The following NCOA7 variants were observed in gnomAD, a reference collection of about 807,000 sequenced individuals.
The protein encoded by NCOA7 is 140 kDa estrogen receptor-associated protein.
NCOA7 carries 45 observed loss-of-function variants against 104.3 expected under a neutral mutation model. The observed-to-expected ratio is 0.43, with a 90% CI of 0.34 to 0.55. NCOA7 has a LOEUF of 0.55. NCOA7 is among the 20% of genes least tolerant of loss of function. The probability of loss-of-function intolerance (pLI) is 0.02; values close to 1 mark genes in which losing one functional copy is unlikely to be tolerated. For missense variants in NCOA7, 1,041 were observed against 1,119.7 expected, an observed-to-expected ratio of 0.93 and a Z score of 1.00; for synonymous variants, 398 against 402.3, an observed-to-expected ratio of 0.99 and a Z score of 0.13.
chr6:125,795,982 G>A (rs763755285), intron 1 of NCOA7, among the ~76,000 whole-genome samples: 5 of 152,214 alleles, frequency 3.3e-5, no homozygotes, highest in East Asian at 1.9e-4. Flanking sequence ...GTTTCTGCAC[G>A]TGGATAGAGT....
At chr6:125,817,765 A>G (rs566211909) in intron 2 of NCOA7, among the ~76,000 whole-genome samples, 5 of 152,304 alleles carry the variant, frequency 3.3e-5, no homozygotes, top group African/African-American at 1.2e-4. Flanking sequence ...GGTTCAATTT[A>G]TCAGTTTCTC....
chr6:125,852,693 G>C (rs1781224605), intron 2 of NCOA7, among the ~76,000 whole-genome samples: 1 of 152,054 alleles, frequency 6.6e-6, no homozygotes, highest in African/African-American at 2.4e-5. Flanking sequence ...GTTTTTGTAT[G>C]CTCTGTCGAA....
chr6:125,837,928 A>G (rs1424797113), intron 2 of NCOA7, among the ~76,000 whole-genome samples: 3 of 152,196 alleles, frequency 2.0e-5, no homozygotes, highest in Non-Finnish European at 4.4e-5. Flanking sequence ...GAACTACTTC[A>G]TGGTCGGTGT....
At chr6:125,794,984 C>CGT (rs74714591) in intron 1 of NCOA7, among the ~76,000 whole-genome samples, 1 of 151,830 alleles carries the variant, frequency 6.6e-6, no homozygotes, top group Admixed American at 6.6e-5. Context: ...TTTAATAAAT[C>CGT]AGAGTCTTCT....
Position 125,889,276 on chromosome 6 carries a change from A to G in NCOA7, c.1222A>G (p.Asn408Asp), listed in dbSNP as rs186125486. 30 of 1,614,086 alleles carry G rather than the reference A, an allele frequency of 1.9e-5. No homozygotes were observed. The highest frequency in any genetic ancestry group is 1.0e-5 in the Non-Finnish European group (12 of 1,180,004). Residue 408 changes from asparagine (N) to aspartate (D), a missense_variant, in exon 9 of 16, where the codon AAC becomes GAC. Physicochemically the swap from Asn to Asp is conservative, Grantham distance 23. Coordinates refer to ENST00000392477, the MANE Select transcript of NCOA7 (RefSeq NM_181782.5). The stretch of plus-strand genomic sequence containing the variant: ...TGCATTTGAATCTACAGCCAAAGAA[A>G]ACTTTCTAGGGGAAGATGATGATTT... ...SSAFESTAKENFLGEDDDFVD... is the reference protein window; with the variant it reads ...SSAFESTAKEDFLGEDDDFVD...
Position 125,890,629 on chromosome 6 carries a change from G to C in NCOA7, c.1928-13G>C, listed in dbSNP as rs143046420. On this transcript the variant is annotated splice_polypyrimidine_tract_variant and intron_variant, in intron 9 of 15. Coordinates refer to ENST00000392477, the MANE Select transcript of NCOA7 (RefSeq NM_181782.5). ...GTCAATATTGAGGAACAGTTTTTTC[G>C]TGTGTGATTCAGATATACTTCCTTC... is the stretch of plus-strand genomic sequence containing the variant. 3.1e-6 allele frequency: 5 copies of C among 1,589,948 alleles called. No individual in the cohort carries two copies. The South Asian group carries it at 3.4e-5, about 11-fold the overall frequency.
intron 7 of NCOA7, among the ~76,000 whole-genome samples, chr6:125,882,825 A>G (rs1783954821): frequency 6.6e-6 from 1 of 152,164 alleles, no homozygotes; most frequent in South Asian, 2.1e-4. Context: ...GAGACAATAT[A>G]CTGTACATAT....
chr6:125,870,318 T>C lies in NCOA7; in HGVS notation c.272-4571T>C, dbSNP rs553844378. Reference sequence around the variant, plus strand: ...TTGACAGCATCTGTCTTGAGCTCCCTTTACTTTCAAAACCTCTCTGTGAAT... The same window carrying C: ...TTGACAGCATCTGTCTTGAGCTCCCCTTACTTTCAAAACCTCTCTGTGAAT... On this transcript the variant is annotated intron_variant, in intron 3 of 15. Transcript: ENST00000392477. 3.9e-5 allele frequency among the ~76,000 whole-genome samples: 6 copies of C among 152,342 alleles called. No individual in the cohort carries two copies. In the South Asian group the frequency reaches 1.2e-3, roughly 32 times the overall value.
intron 2 of NCOA7, among the ~76,000 whole-genome samples, chr6:125,823,531 G>A (rs907828396): frequency 1.3e-5 from 2 of 152,100 alleles, no homozygotes; most frequent in Admixed American, 6.5e-5. Flanking sequence ...TCTCATTTGA[G>A]TTCAGACCAG....
At chr6:125,788,228 C>G (rs943307839), upstream of NCOA7, among the ~76,000 whole-genome samples, 2 of 152,186 alleles carry the variant, frequency 1.3e-5, no homozygotes, top group Admixed American at 6.5e-5. Context: ...AAAGCACAGT[C>G]TAGCCATAAT....
intron 10 of NCOA7, among the ~76,000 whole-genome samples, chr6:125,893,222 T>C (rs932115375): frequency 5.9e-5 from 9 of 152,296 alleles, no homozygotes; most frequent in African/African-American, 2.2e-4. Context: ...GGAGTTTCAG[T>C]TGCAGAGTGA....
chr6:125,888,908 C>A (rs778258910), intron 8 of NCOA7, 31 bp from the exon 9 acceptor site: 1 of 1,491,200 alleles, frequency 6.7e-7, no homozygotes, highest in South Asian at 1.4e-5. Flanking sequence ...TTTTAACATT[C>A]CATGTGCACC....
chr6:125,900,883 G>A (rs1413435919), intron 10 of NCOA7, among the ~76,000 whole-genome samples: 1 of 152,098 alleles, frequency 6.6e-6, no homozygotes, highest in Non-Finnish European at 1.5e-5. Flanking sequence ...AACTGGAAGA[G>A]GCCCTACAGT....
intron 3 of NCOA7, among the ~76,000 whole-genome samples, chr6:125,858,587 C>T (rs1342429840): frequency 1.3e-5 from 2 of 151,340 alleles, no homozygotes; most frequent in Admixed American, 1.3e-4. Context: ...CACAAATCTA[C>T]TGCACTCCAG....
At chr6:125,782,984 T>C (rs960455595) in intron 1 of NCOA7, among the ~76,000 whole-genome samples, 2 of 152,148 alleles carry the variant, frequency 1.3e-5, no homozygotes, top group East Asian at 1.9e-4. Flanking sequence ...GTCAGAGTGA[T>C]GTGATGTGCA....
rs112885313 is a variant in NCOA7 at position 125,842,321 on chromosome 6, T to C, written c.51-12699T>C. 9.2e-3 allele frequency among the ~76,000 whole-genome samples: 1,400 copies of C among 152,312 alleles called. 19 individuals carry two copies. The highest frequency in any genetic ancestry group is 0.031 in the African/African-American group (1,309 of 41,578). ...CTGGCATCATTGAGTTTGTGCTTGC[T>C]TGAGATTTTTCAAGATAGTATGCTT... On this transcript the variant is annotated intron_variant, in intron 2 of 15. Transcript: ENST00000392477.
At chr6:125,866,814 G>A (rs904336473) in intron 3 of NCOA7, among the ~76,000 whole-genome samples, 2 of 151,578 alleles carry the variant, frequency 1.3e-5, no homozygotes, top group Admixed American at 1.3e-4. Flanking sequence ...TTATAATCAT[G>A]TGTTTCAACA....
chr6:125,891,088 A>G (rs989890724), intron 10 of NCOA7, among the ~76,000 whole-genome samples: 1 of 152,218 alleles, frequency 6.6e-6, no homozygotes, highest in African/African-American at 2.4e-5. Context: ...GATGTTCTCA[A>G]GTACCAGTAA....
intron 11 of NCOA7, among the ~76,000 whole-genome samples, chr6:125,920,317 A>G (rs901448497): frequency 1.3e-5 from 2 of 152,190 alleles, no homozygotes; most frequent in Non-Finnish European, 2.9e-5. Flanking sequence ...TATGTGCACA[A>G]CCTTAAGAGA....
Sources: gnomAD v4.1 joint callset for allele counts (sites outside exome capture counted in the v4.1 genomes callset) on GRCh38, gnomAD v4.1.1 for gene constraint, MANE v1.5 for transcripts, NCBI Gene and HGNC (gene_info 2026-07-23, HGNC 2026-07-21) for gene names.